ZNF385D: variants seen among roughly 807,000 people sequenced by gnomAD.
The protein encoded by ZNF385D is zinc finger protein 659.
ZNF385D carries 15 observed loss-of-function variants against 35.8 expected under a neutral mutation model. That is an observed-to-expected ratio of 0.42 (90% CI 0.28 to 0.64). The LOEUF is 0.64. Ranked by LOEUF, ZNF385D falls within the 30% of genes least tolerant of loss-of-function variation. ZNF385D has a pLI of 0.23. For missense variants in ZNF385D, 474 were observed against 494.6 expected, an observed-to-expected ratio of 0.96 and a Z score of 0.39; for synonymous variants, 212 against 186.8, an observed-to-expected ratio of 1.13 and a Z score of -1.10.
At chr3:22,330,897 G>T (rs1008151488) in intron 2 of ZNF385D, among the ~76,000 whole-genome samples, 1 of 152,158 alleles carries the variant, frequency 6.6e-6, no homozygotes, top group Non-Finnish European at 1.5e-5. Context: ...AGATTAGAAG[G>T]TCAGAAACCC....
At chr3:22,351,289 C>T (rs1695905180) in intron 2 of ZNF385D, among the ~76,000 whole-genome samples, 1 of 151,996 alleles carries the variant, frequency 6.6e-6, no homozygotes. Flanking sequence ...AAAGCCCCTC[C>T]CTAGAAAGCA....
intron 2 of ZNF385D, among the ~76,000 whole-genome samples, chr3:21,613,107 A>G (rs1384026713): frequency 1.3e-5 from 2 of 151,998 alleles, no homozygotes; most frequent in Admixed American, 1.3e-4. Context: ...TTATACTTCA[A>G]GGTGAGTTAG....
chr3:22,292,219 A>G (rs1362260423), intron 2 of ZNF385D, among the ~76,000 whole-genome samples: 2 of 152,058 alleles, frequency 1.3e-5, no homozygotes, highest in Non-Finnish European at 2.9e-5. Context: ...TTTATTTTTT[A>G]AAAAAGAAAT....
At chr3:22,269,113 A>T (rs1188443156) in intron 2 of ZNF385D, among the ~76,000 whole-genome samples, 1 of 151,970 alleles carries the variant, frequency 6.6e-6, no homozygotes, top group East Asian at 1.9e-4. Context: ...CAAACAGCTT[A>T]TACCCTGCCA....
chr3:22,028,716 G>T (rs951781212), intron 3 of ZNF385D, among the ~76,000 whole-genome samples: 40 of 152,150 alleles, frequency 2.6e-4, no homozygotes, highest in African/African-American at 8.0e-4. Context: ...TCAGACCAAG[G>T]CATTCACTTT....
At chr3:21,462,887 C>T (rs942810330) in intron 4 of ZNF385D, among the ~76,000 whole-genome samples, 1 of 152,128 alleles carries the variant, frequency 6.6e-6, no homozygotes, top group Non-Finnish European at 1.5e-5. Context: ...GAAGTTGAGG[C>T]AGCAGAATCA....
chr3:21,592,543 CAAAAAAAAAAAA>C (rs2064007849), intron 2 of ZNF385D, among the ~76,000 whole-genome samples: 4 of 124,968 alleles, frequency 3.2e-5, no homozygotes, highest in Non-Finnish European at 6.6e-5. Context: ...GTCTTCATGG[CAAAAAAAAAAAA>C]CCAAAAACAA....
intron 3 of ZNF385D, among the ~76,000 whole-genome samples, chr3:21,818,541 A>C (rs1450286928): frequency 7.2e-5 from 11 of 152,196 alleles, no homozygotes; most frequent in African/African-American, 2.4e-4. Context: ...TATTTCTCAG[A>C]GAGATATCCC....
At chr3:22,089,968 A>G (rs1196909574) in intron 3 of ZNF385D, among the ~76,000 whole-genome samples, 1 of 152,030 alleles carries the variant, frequency 6.6e-6, no homozygotes, top group Non-Finnish European at 1.5e-5. Context: ...CCTCTCGAGT[A>G]GCTGGGACTA....
At chr3:21,853,486 T>C (rs1575779925) in intron 3 of ZNF385D, among the ~76,000 whole-genome samples, 2 of 148,128 alleles carry the variant, frequency 1.4e-5, no homozygotes, top group East Asian at 4.0e-4. Flanking sequence ...TTTTAGAGTT[T>C]AATTGTTTAA....
chr3:21,894,911 T>C (rs1161047232), intron 3 of ZNF385D, among the ~76,000 whole-genome samples: 1 of 142,756 alleles, frequency 7.0e-6, no homozygotes, highest in Non-Finnish European at 1.6e-5. Flanking sequence ...CAGGAGCTCA[T>C]GGCAAAGAGA....
chr3:22,341,333 A>G (rs545089272), intron 2 of ZNF385D, among the ~76,000 whole-genome samples: 1 of 152,302 alleles, frequency 6.6e-6, no homozygotes, highest in South Asian at 2.1e-4. Context: ...AATCACACCC[A>G]TCTATGACAT....
intron 2 of ZNF385D, among the ~76,000 whole-genome samples, chr3:22,174,837 T>C (rs1471455145): frequency 6.6e-6 from 1 of 152,136 alleles, no homozygotes; most frequent in Non-Finnish European, 1.5e-5. Flanking sequence ...TCTTAAGTTT[T>C]AGTAATATTT....
rs1304561311 is a variant in ZNF385D, at chr3:22,260,282, G to GA, written c.107-91248dup. On this transcript the variant is annotated intron_variant, in intron 2 of 5. Transcript: ENST00000494108. ...ATGTTCTCACTCATAAGTGGGAGTT[G>GA]AACAATGAGAACACATGAACAATGA... 2.0e-5 allele frequency among the ~76,000 whole-genome samples: 3 copies of GA among 151,884 alleles called. No homozygotes were observed. The East Asian group carries it at 5.9e-4, about 30-fold the overall frequency.
intron 3 of ZNF385D, among the ~76,000 whole-genome samples, chr3:21,812,165 T>G (rs36011256): frequency 0.06 from 9,127 of 152,252 alleles, 597 homozygotes; most frequent in East Asian, 0.31. Flanking sequence ...ATTTCCTCAA[T>G]TAAAAAAATA....
intron 2 of ZNF385D, among the ~76,000 whole-genome samples, chr3:22,308,587 A>T (rs1703363181): frequency 6.6e-6 from 1 of 152,040 alleles, no homozygotes; most frequent in African/African-American, 2.4e-5. Context: ...GGCACTGCTC[A>T]GAAAGGGTAG....
chr3:21,595,752 C>G (rs1012123603), intron 2 of ZNF385D, among the ~76,000 whole-genome samples: 1 of 152,070 alleles, frequency 6.6e-6, no homozygotes, highest in Non-Finnish European at 1.5e-5. Flanking sequence ...GATTTTTGAA[C>G]AGCAGAAATA....
chr3:21,427,813 C>T (rs1701089520), intron 5 of ZNF385D, among the ~76,000 whole-genome samples: 1 of 152,036 alleles, frequency 6.6e-6, no homozygotes, highest in South Asian at 2.1e-4. Context: ...ATAGTCTCTC[C>T]ATAGAAGCTA....
intron 3 of ZNF385D, among the ~76,000 whole-genome samples, chr3:22,115,641 C>A (rs138231432): frequency 6.6e-6 from 1 of 152,106 alleles, no homozygotes; most frequent in African/African-American, 2.4e-5. Flanking sequence ...GGAGTTGAAT[C>A]TCATAAGATT....
Sources: allele counts gnomAD v4.1 joint callset (sites outside exome capture counted in the v4.1 genomes callset), GRCh38; gene constraint gnomAD v4.1.1; transcripts MANE v1.5; gene names NCBI Gene and HGNC (gene_info 2026-07-23, HGNC 2026-07-21).